The following TRAPPC9 variants were observed in gnomAD, a reference collection of about 807,000 sequenced individuals.
TRAPPC9 encodes trafficking protein particle complex subunit 9, also known as IKK2 binding protein.
In TRAPPC9, 83 loss-of-function variants were observed where a neutral mutation model predicts 124.0. That is an observed-to-expected ratio of 0.67 (90% CI 0.56 to 0.80). The LOEUF is 0.80. TRAPPC9 is among the 30% of genes least tolerant of loss of function. TRAPPC9 has a pLI of 0.00. For missense variants in TRAPPC9, 1,302 were observed against 1,508.3 expected (o/e 0.86, Z 2.27); for synonymous variants, 638 against 617.5 (o/e 1.03, Z -0.49).
chr8:139,816,258 T>C (rs1824828085), intron 21 of TRAPPC9, among the ~76,000 whole-genome samples: 2 of 152,128 alleles, frequency 1.3e-5, no homozygotes, highest in Non-Finnish European at 1.5e-5. Flanking sequence ...CAGAGCAAGG[T>C]TCAGAGGAAA....
At chr8:140,214,594 C>A (rs182366008) in intron 17 of TRAPPC9, among the ~76,000 whole-genome samples, 9 of 152,356 alleles carry the variant, frequency 5.9e-5, no homozygotes, top group Non-Finnish European at 1.2e-4. Context: ...AGCCTCCCAA[C>A]AATCCTATGA....
At chr8:139,765,636 G>A (rs1444320595) in intron 21 of TRAPPC9, among the ~76,000 whole-genome samples, 1 of 152,180 alleles carries the variant, frequency 6.6e-6, no homozygotes, top group Non-Finnish European at 1.5e-5. Flanking sequence ...AGGCTCCAGA[G>A]GCCCTTGATG....
chr8:140,437,763 C>G (rs2070871983), intron 3 of TRAPPC9, among the ~76,000 whole-genome samples: 1 of 152,158 alleles, frequency 6.6e-6, no homozygotes, highest in Non-Finnish European at 1.5e-5. Context: ...CTGTCAACCT[C>G]AACGAAAGAA....
intron 17 of TRAPPC9, among the ~76,000 whole-genome samples, chr8:140,062,612 T>C (rs1281058863): frequency 6.6e-6 from 1 of 152,084 alleles, no homozygotes; most frequent in Admixed American, 6.6e-5. Context: ...CTTTCCTGTT[T>C]CCAGCCTTCA....
At chr8:139,978,098 G>C (rs1285278278) in intron 19 of TRAPPC9, among the ~76,000 whole-genome samples, 1 of 151,928 alleles carries the variant, frequency 6.6e-6, no homozygotes, top group Non-Finnish European at 1.5e-5. Flanking sequence ...GGCTGGTCTC[G>C]AACTCCTGGC....
chr8:139,817,916 G>A (rs1249237924), intron 21 of TRAPPC9, among the ~76,000 whole-genome samples: 19 of 152,174 alleles, frequency 1.2e-4, no homozygotes, highest in Admixed American at 2.6e-4. Flanking sequence ...AAGCCATACC[G>A]AGATCCCCAA....
chr8:140,168,583 G>A (rs1162769148), intron 17 of TRAPPC9, among the ~76,000 whole-genome samples: 2 of 152,212 alleles, frequency 1.3e-5, no homozygotes, highest in Non-Finnish European at 2.9e-5. Context: ...GCACGAGTTA[G>A]GAGGGCTCTT....
chr8:139,809,808 CA>C (rs1433952562), intron 21 of TRAPPC9, among the ~76,000 whole-genome samples: 2 of 152,270 alleles, frequency 1.3e-5, no homozygotes, highest in African/African-American at 2.4e-5. Context: ...CGGCGGCCAC[CA>C]CCCTGCTGAG....
At chr8:139,988,867 C>A in intron 18 of TRAPPC9, 31 bp from the exon 19 acceptor site, 5 of 1,392,946 alleles carry the variant, frequency 3.6e-6, no homozygotes, top group Non-Finnish European at 5.0e-6. Flanking sequence ...AGTTCAGAAT[C>A]CTCTGACAGC....
intron 11 of TRAPPC9, among the ~76,000 whole-genome samples, chr8:140,293,683 G>A (rs1225823166): frequency 1.3e-5 from 2 of 151,936 alleles, no homozygotes; most frequent in African/African-American, 4.8e-5. Flanking sequence ...CATGGACACA[G>A]GAAGGGGAAC....
chr8:140,018,331 T>TTTTTTC (rs1839613583), intron 18 of TRAPPC9, among the ~76,000 whole-genome samples: 1 of 39,766 alleles, frequency 2.5e-5, no homozygotes, highest in African/African-American at 7.1e-5. Flanking sequence ...GTGATTTTTT[T>TTTTTTC]TTTTTTTTTT....
Position 140,371,111 on chromosome 8 carries a change from G to A in TRAPPC9, c.1204C>T (p.Arg402Cys), listed in dbSNP as rs374409751. The change falls in exon 8 of 23, where the codon CGC (arginine) becomes TGC (cysteine). Residue 402 changes from arginine to cysteine, a missense_variant. Around this residue, in one of 3 missense-constraint regions of TRAPPC9, gnomAD observed 657 missense variants for 811.2 expected, o/e 0.81. Transcript: ENST00000438773. ...ACGCGCTTGAAGAACGCAGACTTGC[G>A]ATGGAAGCCGATCAGCTCATAGAGC... is the stretch of plus-strand genomic sequence containing the variant. ...SELYELIGFH[R>C]KSAFFKRVAA... 4.3e-5 allele frequency: 70 copies of A among 1,614,048 alleles called. No individual in the cohort carries two copies. Among genetic ancestry groups the A allele is most frequent in the Non-Finnish European group, 5.8e-5 (69 of 1,180,028 alleles).
At chr8:140,149,474 G>A (rs547398732) in intron 17 of TRAPPC9, among the ~76,000 whole-genome samples, 1 of 152,202 alleles carries the variant, frequency 6.6e-6, no homozygotes, top group Admixed American at 6.5e-5. Context: ...ACAGAAATTA[G>A]CCGGGTGTGG....
intron 9 of TRAPPC9, among the ~76,000 whole-genome samples, chr8:140,334,731 TGATAAAA>T (rs902011538): frequency 2.6e-5 from 4 of 151,956 alleles, no homozygotes; most frequent in African/African-American, 9.7e-5. Context: ...TTGCCCAAAA[TGATAAAA>T]GATAAAAGGT....
intron 17 of TRAPPC9, among the ~76,000 whole-genome samples, chr8:140,075,042 C>A (rs1266907295): frequency 6.6e-6 from 1 of 152,126 alleles, no homozygotes; most frequent in East Asian, 1.9e-4. Context: ...GAAGCCTAGA[C>A]CTCCTGCCTC....
At chr8:140,401,195 C>A (rs2069252207) in intron 6 of TRAPPC9, among the ~76,000 whole-genome samples, 1 of 152,184 alleles carries the variant, frequency 6.6e-6, no homozygotes, top group South Asian at 2.1e-4. Context: ...ATTTACCAAT[C>A]ATGAAGAAGC....
At chr8:139,906,565 G>A (rs955690957) in intron 20 of TRAPPC9, among the ~76,000 whole-genome samples, 1 of 152,122 alleles carries the variant, frequency 6.6e-6, no homozygotes, top group African/African-American at 2.4e-5. Context: ...GGGCAGGAGG[G>A]AGAGAAGGGG....
At chr8:139,765,155 C>T (rs1281431387) in intron 21 of TRAPPC9, among the ~76,000 whole-genome samples, 2 of 152,314 alleles carry the variant, frequency 1.3e-5, no homozygotes, top group East Asian at 3.9e-4. Flanking sequence ...GGGGCTGCTG[C>T]CTGGTCCCCC....
chr8:140,221,877 T>C (rs1341828229), intron 16 of TRAPPC9, among the ~76,000 whole-genome samples: 1 of 152,208 alleles, frequency 6.6e-6, no homozygotes, highest in African/African-American at 2.4e-5. Context: ...TTTGTTTATG[T>C]AGGGGATTTT....
Sources: allele counts gnomAD v4.1 joint callset (sites outside exome capture counted in the v4.1 genomes callset), GRCh38; gene constraint gnomAD v4.1.1; regional missense constraint gnomAD v4.1.1; transcripts MANE v1.5; gene names NCBI Gene and HGNC (gene_info 2026-07-23, HGNC 2026-07-21).